The following NBPF4 variants were observed in gnomAD, a reference collection of about 807,000 sequenced individuals.
NBPF4 encodes NBPF member 4.
NBPF4 carries 11 observed loss-of-function variants against 21.1 expected under a neutral mutation model. The observed-to-expected ratio is 0.52, with a 90% confidence interval of 0.33 to 0.86. The LOEUF is 0.86. NBPF4 is among the 40% of genes least tolerant of loss of function. NBPF4 has a pLI of 0.03. For synonymous variants in NBPF4, 47 were observed against 106.4 expected, an observed-to-expected ratio of 0.44 and a Z score of 3.43; for missense variants, 88 against 265.3, an observed-to-expected ratio of 0.33 and a Z score of 4.64.
rs1649571908 is a variant in NBPF4 at position 108,228,990 on chromosome 1, C to T, written c.1590G>A (p.Gln530=). The change falls in exon 13 of 15, where the codon CAG becomes CAA. Residue 530 remains glutamine, a synonymous_variant. Transcript: ENST00000415641. ...TGCAGGTGGTGGAGGAAAGGCCCCG[C>T]TGGGCCAAGCCGTTCCCACAGTGGA... The part of the protein sequence containing the change: ...QGFHCGNGLA[Q]RGLSSTTCSF... 6.5e-7 allele frequency: 1 copy of T among 1,543,742 alleles called. No individual in the cohort carries two copies. Among genetic ancestry groups the T allele is most frequent in the Non-Finnish European group, 8.8e-7 (1 of 1,141,126 alleles).
chr1:108,223,785 T>C, intron 14 of NBPF4, 39 bp from the exon 15 acceptor site: 1 of 1,530,740 alleles, frequency 6.5e-7, no homozygotes, highest in Non-Finnish European at 8.8e-7. Context: ...AATGAGCATT[T>C]TTGTCAGGTC....
rs1168514502 is a variant in NBPF4 at position 108,222,545 on chromosome 1, G to A, written c.*1160C>T. Reference sequence around the variant, plus strand: ...GGACTAAAATTAATTTTGGATGAAAGTTATAATTGGGGCAGAGAATATTCT... The same window carrying A: ...GGACTAAAATTAATTTTGGATGAAAATTATAATTGGGGCAGAGAATATTCT... On this transcript the variant is annotated 3_prime_UTR_variant, in exon 15 of 15. Coordinates refer to ENST00000415641, the MANE Select transcript of NBPF4 (RefSeq NM_001143989.3). 1.3e-5 allele frequency among the ~76,000 whole-genome samples: 2 copies of A among 152,160 alleles called. No homozygotes were observed. The highest frequency in any genetic ancestry group is 4.8e-5 in the African/African-American group (2 of 41,448).
Position 108,223,164 on chromosome 1 carries a change from C to T in NBPF4, c.*541G>A, listed in dbSNP as rs1649362033. On this transcript the variant is annotated 3_prime_UTR_variant, in exon 15 of 15. Coordinates refer to ENST00000415641, the MANE Select transcript of NBPF4 (RefSeq NM_001143989.3). Reference sequence around the variant, plus strand: ...TTTGGGTTCAAAATGACTAAAAAAGCATAAGCTGCATAGGCTTTTTACTCT... The same window carrying T: ...TTTGGGTTCAAAATGACTAAAAAAGTATAAGCTGCATAGGCTTTTTACTCT... Among the ~76,000 whole-genome samples the T allele has an allele frequency of 6.6e-6, 1 of 152,110 alleles. No individual in the cohort carries two copies. The highest frequency in any genetic ancestry group is 2.4e-5 in the African/African-American group (1 of 41,432).
At chr1:108,248,016 G>C (rs1213715880), upstream of NBPF4, among the ~76,000 whole-genome samples, 1 of 151,890 alleles carries the variant, frequency 6.6e-6, no homozygotes, top group Non-Finnish European at 1.5e-5. Context: ...ACAAGGTCTT[G>C]CTGTGTTGCT....
upstream of NBPF4, among the ~76,000 whole-genome samples, chr1:108,247,638 TC>T (rs749845414): frequency 0.048 from 7,169 of 148,730 alleles, 254 homozygotes; most frequent in African/African-American, 0.17. Context: ...TTCAGTTGTT[TC>T]GGTGCTTTCC....
At chr1:108,247,424 TG>T (rs1649870494), upstream of NBPF4, among the ~76,000 whole-genome samples, 1 of 145,900 alleles carries the variant, frequency 6.9e-6, no homozygotes, top group South Asian at 2.2e-4. Context: ...GCCTGGAATG[TG>T]TTTGTTAACG....
the NBPF4 span, among the ~76,000 whole-genome samples, chr1:108,258,615 GA>G: frequency 1.5e-5 from 2 of 133,808 alleles, no homozygotes; most frequent in Non-Finnish European, 3.2e-5. Flanking sequence ...TCAGCCCAAG[GA>G]AGAGGAACGT....
In NBPF4 at chr1:108,226,605, A is replaced by T. The variant is rs1332687242; in HGVS notation, c.1875+74T>A. On this transcript the variant is annotated intron_variant, in intron 14 of 14. Coordinates refer to ENST00000415641, the MANE Select transcript of NBPF4 (RefSeq NM_001143989.3). The stretch of plus-strand genomic sequence containing the variant: ...AGAGAACAAATGGGAGAGAAAAAGC[A>T]GTGAGAGAATGAGCTGTCACCATAG... The T allele has an allele frequency of 2.0e-5, 25 of 1,225,382 alleles. 6 individuals carry two copies. Among genetic ancestry groups the T allele is most frequent in the Non-Finnish European group, 2.6e-5 (23 of 890,342 alleles). 75.9% of individuals were successfully genotyped at this position (1,225,382 alleles called of 1,614,324 possible).
the NBPF4 span, among the ~76,000 whole-genome samples, chr1:108,256,241 CTTT>C: frequency 6.7e-6 from 1 of 149,980 alleles, no homozygotes; most frequent in African/African-American, 2.4e-5. Context: ...TGACTCTTCT[CTTT>C]TTTTCTTAGT....
At chr1:108,257,938 C>A in the NBPF4 span, among the ~76,000 whole-genome samples, 1 of 141,816 alleles carries the variant, frequency 7.1e-6, no homozygotes. Flanking sequence ...TTAGTAGAGA[C>A]GAGGTTTCAC....
At chr1:108,245,052 A>C, upstream of NBPF4, among the ~76,000 whole-genome samples, 1 of 78,704 alleles carries the variant, frequency 1.3e-5, no homozygotes, top group African/African-American at 4.6e-5. Flanking sequence ...GGTGATCCTC[A>C]GTGTTCCTGT....
upstream of NBPF4, among the ~76,000 whole-genome samples, chr1:108,245,995 G>C (rs1217814527): frequency 1.6e-4 from 19 of 115,328 alleles, 5 homozygotes; most frequent in African/African-American, 6.1e-4. Flanking sequence ...ATGAGACTTG[G>C]GTCTTCCCCT....
the NBPF4 span, among the ~76,000 whole-genome samples, chr1:108,264,242 T>C: frequency 6.7e-6 from 1 of 149,874 alleles, no homozygotes; most frequent in African/African-American, 2.5e-5. Flanking sequence ...GTTGCAATCC[T>C]AGTTTCTGAC....
At chr1:108,226,350 G>A (rs1649472233) in intron 14 of NBPF4, among the ~76,000 whole-genome samples, 1 of 151,192 alleles carries the variant, frequency 6.6e-6, no homozygotes, top group Non-Finnish European at 1.5e-5. Context: ...CCAAAGGAGT[G>A]TGTGATTCCG....
At chr1:108,257,762 C>CTTTTTTT in the NBPF4 span, among the ~76,000 whole-genome samples, 40 of 54,766 alleles carry the variant, frequency 7.3e-4, no homozygotes, top group Admixed American at 9.6e-4. Context: ...CTTTTCTTTT[C>CTTTTTTT]TTTTTTTTTT....
In NBPF4 at chr1:108,229,011, G is replaced by A. The variant is rs1156993959; in HGVS notation, c.1569C>T (p.His523=). The A allele has an allele frequency of 6.5e-7, 1 of 1,546,424 alleles. No individual in the cohort carries two copies. The highest frequency in any genetic ancestry group is 8.8e-7 in the Non-Finnish European group (1 of 1,142,718). ...CLRLQLDQGF[H]CGNGLAQRGL... The stretch of plus-strand genomic sequence containing the variant: ...CCCGCTGGGCCAAGCCGTTCCCACA[G>A]TGGAACCCTTGATCCAGCTGTAGTC... The change falls in exon 13 of 15, where the codon CAC becomes CAT. Residue 523 remains histidine (H), a synonymous_variant. Transcript: ENST00000415641.
At chr1:108,234,819 C>T (rs1406847264) in intron 9 of NBPF4, among the ~76,000 whole-genome samples, 4 of 98,926 alleles carry the variant, frequency 4.0e-5, no homozygotes, top group African/African-American at 8.9e-5. Flanking sequence ...TCCCCGAAAT[C>T]GCATGGCATC....
Position 108,235,697 on chromosome 1 carries a change from TC to T in NBPF4, c.977-411del, listed in dbSNP as rs1243519782. 4.3e-5 allele frequency among the ~76,000 whole-genome samples: 3 copies of T among 69,360 alleles called. No homozygotes were observed. The East Asian group carries it at 1.6e-3, about 38-fold the overall frequency. 45.5% of individuals were successfully genotyped at this position (69,360 alleles called of 152,430 possible). On this transcript the variant is annotated intron_variant, in intron 8 of 14. Coordinates refer to ENST00000415641, the MANE Select transcript of NBPF4 (RefSeq NM_001143989.3). ...AGGGACAGATTAAATCAAAAGAATCTCTAATGCTACATGGAAACATTGGCCT... is the reference window on the plus strand; with the variant it reads ...AGGGACAGATTAAATCAAAAGAATCTTAATGCTACATGGAAACATTGGCCT...
In NBPF4 at chr1:108,241,363, T is replaced by C. The variant is rs7543675; in HGVS notation, c.279-199A>G. The stretch of plus-strand genomic sequence containing the variant: ...ATACACACACACACACACACACACA[T>C]ACATATATACAAACATACACACACA... On this transcript the variant is annotated intron_variant, in intron 3 of 14. Coordinates refer to ENST00000415641, the MANE Select transcript of NBPF4 (RefSeq NM_001143989.3). 4.5e-3 allele frequency among the ~76,000 whole-genome samples: 635 copies of C among 140,108 alleles called. 11 individuals carry two copies. Among genetic ancestry groups the C allele is most frequent in the African/African-American group, 0.013 (465 of 35,932 alleles). The allele number at this position is 140,108 out of a possible 152,430, so 91.9% of individuals were successfully genotyped here. A position where few individuals can be genotyped will look rare whatever the true frequency, so the allele number is the denominator to read the frequency against.
Sources: allele counts gnomAD v4.1 joint callset (sites outside exome capture counted in the v4.1 genomes callset), GRCh38; gene constraint gnomAD v4.1.1; transcripts MANE v1.5; gene names NCBI Gene and HGNC (gene_info 2026-07-23, HGNC 2026-07-21).